The following KIRREL3 variants were observed in gnomAD, a reference collection of about 807,000 sequenced individuals.
The protein encoded by KIRREL3 is kirre like nephrin family adhesion molecule 3, also known as kin of IRRE-like protein 3.
In KIRREL3, 36 loss-of-function variants were observed where a neutral mutation model predicts 89.7. That is an observed-to-expected ratio of 0.40 (90% confidence interval 0.31 to 0.53). The LOEUF (loss-of-function observed/expected upper bound fraction) is 0.53. Ranked by LOEUF, KIRREL3 falls within the 20% of genes least tolerant of loss-of-function variation. The pLI is 0.49. For synonymous variants in KIRREL3, 445 were observed against 441.4 expected (o/e 1.01, Z -0.10); for missense variants, 864 against 1,056.6 (o/e 0.82, Z 2.53).
intron 1 of KIRREL3, among the ~76,000 whole-genome samples, chr11:126,599,998 C>G (rs542413947): frequency 6.6e-6 from 1 of 152,180 alleles, no homozygotes; most frequent in African/African-American, 2.4e-5. Context: ...TAGAACACAG[C>G]GAGAGTGATG....
chr11:126,481,601 T>C (rs992759774), intron 4 of KIRREL3, among the ~76,000 whole-genome samples: 3 of 152,240 alleles, frequency 2.0e-5, no homozygotes, highest in Non-Finnish European at 4.4e-5. Flanking sequence ...GGGGTCTTTC[T>C]GGATTCCACT....
intron 7 of KIRREL3, among the ~76,000 whole-genome samples, chr11:126,451,456 G>T (rs111174015): frequency 4.7e-5 from 7 of 148,862 alleles, no homozygotes; most frequent in Admixed American, 4.0e-4. Context: ...AAGTGCATGC[G>T]CATGTGTGGG....
At chr11:126,787,343 A>C (rs1436002260) in intron 1 of KIRREL3, among the ~76,000 whole-genome samples, 1 of 152,246 alleles carries the variant, frequency 6.6e-6, no homozygotes, top group Non-Finnish European at 1.5e-5. Flanking sequence ...TGCAAGGGCC[A>C]GCAATTTGAT....
chr11:126,965,031 G>A lies in KIRREL3; in HGVS notation c.55+35424C>T, dbSNP rs1403195699. Among the ~76,000 whole-genome samples, 1 of 152,178 alleles carries A rather than the reference G, an allele frequency of 6.6e-6. No individual in the cohort carries two copies. Among genetic ancestry groups the A allele is most frequent in the East Asian group, 1.9e-4 (1 of 5,196 alleles). ...CTCCCTCTAGCAGATGCATAAAAGT[G>A]TTGTACTCCCAACTCAACAGATGGG... On this transcript the variant is annotated intron_variant, in intron 1 of 16. Transcript: ENST00000525144. The surrounding 1 kb of genome is among the most constrained non-coding windows in gnomAD (Gnocchi z 4.4).
upstream of KIRREL3, among the ~76,000 whole-genome samples, chr11:127,001,781 C>T (rs540414379): frequency 4.3e-4 from 66 of 151,818 alleles, 1 homozygote; most frequent in South Asian, 5.6e-3. Context: ...TAGGCACAGA[C>T]CATGCCTTCA....
chr11:126,540,532 A>G (rs1318537601), intron 2 of KIRREL3, among the ~76,000 whole-genome samples: 2 of 152,236 alleles, frequency 1.3e-5, no homozygotes, highest in Admixed American at 1.3e-4. Context: ...GTCCAAAGTC[A>G]CTATAAATCC....
At chr11:126,815,996 G>A (rs1314855831) in intron 1 of KIRREL3, among the ~76,000 whole-genome samples, 1 of 152,118 alleles carries the variant, frequency 6.6e-6, no homozygotes, top group Non-Finnish European at 1.5e-5. Context: ...CAGATGAAGA[G>A]GAATTAGTGT....
chr11:126,582,453 G>A (rs1358893058), intron 1 of KIRREL3, among the ~76,000 whole-genome samples: 1 of 152,210 alleles, frequency 6.6e-6, no homozygotes, highest in African/African-American at 2.4e-5. Flanking sequence ...CGGTTCGGGG[G>A]TTTAGTGGAA....
Position 126,608,974 on chromosome 11 carries a change from G to A in KIRREL3, c.56-46062C>T, listed in dbSNP as rs144615507. On this transcript the variant is annotated intron_variant, in intron 1 of 16. Coordinates refer to ENST00000525144, the MANE Select transcript of KIRREL3 (RefSeq NM_032531.4). The surrounding 1 kb of genome is among the most constrained non-coding windows in gnomAD (Gnocchi z 4.9). ...GGGTCAGAGTACAGGGTGGGTAGCA[G>A]AAACAATCAGGCCAGAGGGGTATTT... Among the ~76,000 whole-genome samples the A allele has an allele frequency of 2.0e-5, 3 of 152,220 alleles. No homozygotes were observed. The highest frequency in any genetic ancestry group is 2.0e-4 in the Admixed American group (3 of 15,288).
At chr11:126,984,103 C>T (rs1028502583) in intron 1 of KIRREL3, among the ~76,000 whole-genome samples, 1 of 152,134 alleles carries the variant, frequency 6.6e-6, no homozygotes, top group African/African-American at 2.4e-5. Flanking sequence ...ACTGAGGATG[C>T]TAACCAGATC....
intron 1 of KIRREL3, among the ~76,000 whole-genome samples, chr11:126,979,410 T>C (rs1445731707): frequency 6.6e-6 from 1 of 152,200 alleles, no homozygotes; most frequent in Non-Finnish European, 1.5e-5. Context: ...ACAGCTACCT[T>C]ATCAACTTAC....
chr11:126,505,012 A>G (rs994227078), intron 4 of KIRREL3, among the ~76,000 whole-genome samples: 2 of 152,102 alleles, frequency 1.3e-5, no homozygotes, highest in Admixed American at 1.3e-4. Context: ...CCTCAACCTG[A>G]TATAGGTCAC....
Position 126,591,225 on chromosome 11 carries a change from C to G in KIRREL3, c.56-28313G>C, listed in dbSNP as rs1942118438. Among the ~76,000 whole-genome samples the G allele has an allele frequency of 3.9e-5, 6 of 152,158 alleles. No homozygotes were observed. The South Asian group carries it at 1.2e-3, about 31-fold the overall frequency. ...TGGGTGACAGAGGGAGATCCTGTCT[C>G]TCCCACACCTGCACCCCAAAAGTGA... On this transcript the variant is annotated intron_variant, in intron 1 of 16. Coordinates refer to ENST00000525144, the MANE Select transcript of KIRREL3 (RefSeq NM_032531.4).
At chr11:126,573,297 C>A (rs1417047333) in intron 1 of KIRREL3, among the ~76,000 whole-genome samples, 1 of 152,220 alleles carries the variant, frequency 6.6e-6, no homozygotes, top group South Asian at 2.1e-4. Context: ...CTCTCCAGCT[C>A]TCCTTGCTGT....
intron 1 of KIRREL3, among the ~76,000 whole-genome samples, chr11:126,868,923 G>A (rs897141646): frequency 2.0e-5 from 3 of 152,078 alleles, no homozygotes; most frequent in Non-Finnish European, 4.4e-5. Flanking sequence ...TGCTGGAGGG[G>A]CAAGAGAGCT....
Position 126,696,760 on chromosome 11 carries a change from C to G in KIRREL3, c.56-133848G>C, listed in dbSNP as rs983226271. Among the ~76,000 whole-genome samples, 5 of 152,126 alleles carry G rather than the reference C, an allele frequency of 3.3e-5. No homozygotes were observed. Among genetic ancestry groups the G allele is most frequent in the African/African-American group, 1.2e-4 (5 of 41,426 alleles). On this transcript the variant is annotated intron_variant, in intron 1 of 16. Coordinates refer to ENST00000525144, the MANE Select transcript of KIRREL3 (RefSeq NM_032531.4). The surrounding 1 kb of genome is among the most constrained non-coding windows in gnomAD (Gnocchi z 4.4). The stretch of plus-strand genomic sequence containing the variant: ...CTGCAGGCACCGCCAGTGGACACAC[C>G]GAACACCCCTCTTGTCCAAACACAC...
chr11:126,821,525 G>A (rs1031079570), intron 1 of KIRREL3, among the ~76,000 whole-genome samples: 2 of 151,602 alleles, frequency 1.3e-5, no homozygotes, highest in African/African-American at 4.9e-5. Flanking sequence ...ATTTATAAAA[G>A]GGGAGACATC....
At chr11:126,591,499 A>T (rs911140564) in intron 1 of KIRREL3, among the ~76,000 whole-genome samples, 1 of 152,218 alleles carries the variant, frequency 6.6e-6, no homozygotes, top group Non-Finnish European at 1.5e-5. Context: ...ATGGCAGCTC[A>T]GAGGGCTTCT....
chr11:126,544,059 C>T lies in KIRREL3; in HGVS notation c.134-17372G>A, dbSNP rs1287763593. The T allele has an allele frequency of 2.0e-5, 3 of 152,322 alleles. No homozygotes were observed. Among genetic ancestry groups the T allele is most frequent in the African/African-American group, 7.2e-5 (3 of 41,462 alleles). The allele number at this position is 152,322 out of a possible 1,614,324, so 9.4% of individuals were successfully genotyped here. A position where few individuals can be genotyped will look rare whatever the true frequency, so the allele number is the denominator to read the frequency against. On this transcript the variant is annotated intron_variant, in intron 2 of 16. Coordinates refer to ENST00000525144, the MANE Select transcript of KIRREL3 (RefSeq NM_032531.4). The surrounding 1 kb of genome is among the most constrained non-coding windows in gnomAD (Gnocchi z 5.6). ...CACTCCTGTCTGCTCCCCAGGACAA[C>T]TCTATTTTCCAGCATGGAGTGCCCC...
Sources: gnomAD v4.1 joint callset for allele counts (sites outside exome capture counted in the v4.1 genomes callset) on GRCh38, gnomAD v4.1.1 for gene constraint, Gnocchi (gnomAD v3.1) non-coding constraint, MANE v1.5 for transcripts, NCBI Gene and HGNC (gene_info 2026-07-23, HGNC 2026-07-21) for gene names.